Variants in RAPGEF2 observed in about 807,000 individuals in gnomAD.
RAPGEF2 encodes the protein PDZ domain containing guanine nucleotide exchange factor (GEF) 1.
In RAPGEF2, 54 loss-of-function variants were observed where a neutral mutation model predicts 186.7. The ratio of observed to expected loss-of-function variants is 0.29; its 90% CI spans 0.23 to 0.36. RAPGEF2 has a LOEUF of 0.36. Ranked by LOEUF, RAPGEF2 falls within the 10% of genes least tolerant of loss-of-function variation. The probability of loss-of-function intolerance (pLI) is 1.00; values close to 1 mark genes in which losing one functional copy is unlikely to be tolerated. For synonymous variants in RAPGEF2, 712 were observed against 705.9 expected, an observed-to-expected ratio of 1.01 and a Z score of -0.14; for missense variants, 1,532 against 2,045.0, an observed-to-expected ratio of 0.75 and a Z score of 4.84.
chr4:159,142,678 A>C (rs1742483821), intron 1 of RAPGEF2, among the ~76,000 whole-genome samples: 4 of 152,302 alleles, frequency 2.6e-5, no homozygotes, highest in African/African-American at 9.6e-5. Context: ...AAGCCTTTAA[A>C]AATTTTCTTT....
intron 7 of RAPGEF2, among the ~76,000 whole-genome samples, chr4:159,280,066 C>T (rs911142270): frequency 6.6e-6 from 1 of 152,106 alleles, no homozygotes; most frequent in African/African-American, 2.4e-5. Context: ...CCATATGGTT[C>T]GCCAGAGGTC....
intron 7 of RAPGEF2, among the ~76,000 whole-genome samples, chr4:159,286,538 C>T (rs988471310): frequency 6.6e-6 from 1 of 152,150 alleles, no homozygotes; most frequent in Non-Finnish European, 1.5e-5. Context: ...CTCTATTGCA[C>T]TTGGACTAGA....
rs1732483297 is a variant in RAPGEF2, at chr4:159,359,417, A to G, written c.*1278A>G. The G allele has an allele frequency of 1.3e-5, 2 of 152,198 alleles. No individual in the cohort carries two copies. The highest frequency in any genetic ancestry group is 2.9e-5 in the Non-Finnish European group (2 of 68,034). The allele number at this position is 152,198 out of a possible 1,614,324, so 9.4% of individuals were successfully genotyped here. A position where few individuals can be genotyped will look rare whatever the true frequency, so the allele number is the denominator to read the frequency against. On this transcript the variant is annotated 3_prime_UTR_variant, in exon 30 of 30. Transcript: ENST00000691494. Reference sequence around the variant, plus strand: ...GGACGCTGCATATAGAGAAGGCCTAAGTGTAGCAACCATCTGCTCACAGCT... The same window carrying G: ...GGACGCTGCATATAGAGAAGGCCTAGGTGTAGCAACCATCTGCTCACAGCT...
intron 4 of RAPGEF2, among the ~76,000 whole-genome samples, chr4:159,220,573 A>G (rs1163777608): frequency 6.6e-6 from 1 of 152,162 alleles, no homozygotes; most frequent in East Asian, 1.9e-4. Context: ...AACACGCTCT[A>G]CAGTTACTGA....
At chr4:159,191,497 G>A (rs1748117389) in intron 2 of RAPGEF2, among the ~76,000 whole-genome samples, 1 of 152,148 alleles carries the variant, frequency 6.6e-6, no homozygotes. Context: ...TCCCAGCACT[G>A]TGGGAGGCCA....
At position 159,161,266 on chromosome 4, in the gene RAPGEF2, G is replaced by T. The variant is rs141239571; in HGVS notation, c.70-25376G>T. ...AATATTTTCTCTGGTATTAGTTTCA[G>T]AAAGCCAGTGATTAGAAGAGATGTT... On this transcript the variant is annotated intron_variant, in intron 1 of 29. Coordinates refer to ENST00000691494, the MANE Select transcript of RAPGEF2 (RefSeq NM_001394067.2). Among the ~76,000 whole-genome samples, 411 of 152,322 alleles carry T rather than the reference G, an allele frequency of 2.7e-3. 1 individual carries two copies. The highest frequency in any genetic ancestry group is 9.2e-3 in the African/African-American group (384 of 41,576).
At chr4:159,191,168 TA>T (rs148799286) in intron 2 of RAPGEF2, among the ~76,000 whole-genome samples, 4,246 of 150,970 alleles carry the variant, frequency 0.028, 191 homozygotes, top group African/African-American at 0.098. Flanking sequence ...AGAAGTCAGG[TA>T]GAGGATGAAG....
intron 4 of RAPGEF2, among the ~76,000 whole-genome samples, chr4:159,220,475 C>T (rs1233146699): frequency 6.6e-6 from 1 of 152,136 alleles, no homozygotes; most frequent in Non-Finnish European, 1.5e-5. Context: ...TTTGGGAATT[C>T]CGTGATTTCC....
In RAPGEF2 at chr4:159,193,303, A is replaced by G. The variant is rs777634525; in HGVS notation, c.197+47A>G. On this transcript the variant is annotated intron_variant, in intron 3 of 29. Coordinates refer to ENST00000691494, the MANE Select transcript of RAPGEF2 (RefSeq NM_001394067.2). ...GTACAATGTATCTAATCCAGTGACT[A>G]AATTTTCTTAAAGTATCAAAGGAGT... 6 of 1,231,824 alleles carry G rather than the reference A, an allele frequency of 4.9e-6. No individual in the cohort carries two copies. In the South Asian group the frequency reaches 1.1e-4, roughly 23 times the overall value. 76.3% of individuals were successfully genotyped at this position (1,231,824 alleles called of 1,614,324 possible). A position where few individuals can be genotyped will look rare whatever the true frequency, so the allele number is the denominator to read the frequency against.
intron 1 of RAPGEF2, among the ~76,000 whole-genome samples, chr4:159,172,486 T>A (rs898745942): frequency 1.3e-5 from 2 of 152,210 alleles, no homozygotes; most frequent in African/African-American, 2.4e-5. Context: ...TCCTTCTGAT[T>A]TCTGGAGAAT....
At chr4:159,198,643 G>A (rs868369688) in intron 3 of RAPGEF2, among the ~76,000 whole-genome samples, 4 of 150,330 alleles carry the variant, frequency 2.7e-5, no homozygotes, top group Non-Finnish European at 4.5e-5. Context: ...CTGGGGTTTC[G>A]CCATATTGGC....
chr4:159,165,665 C>T (rs908189805), intron 1 of RAPGEF2, among the ~76,000 whole-genome samples: 55 of 152,044 alleles, frequency 3.6e-4, no homozygotes, highest in Admixed American at 1.7e-3. Context: ...TTGACCAGGC[C>T]GGAGTGCAGT....
At chr4:159,348,242 AGATGGATG>A (rs57748987) in intron 25 of RAPGEF2, among the ~76,000 whole-genome samples, 1,571 of 145,052 alleles carry the variant, frequency 0.011, 22 homozygotes, top group South Asian at 0.041. Flanking sequence ...ATAGATAGAT[AGATGGATG>A]GATGGATGGA....
At chr4:159,169,825 C>T (rs763020687) in intron 1 of RAPGEF2, among the ~76,000 whole-genome samples, 1 of 152,062 alleles carries the variant, frequency 6.6e-6, no homozygotes, top group Non-Finnish European at 1.5e-5. Context: ...CATTGAGGGA[C>T]GTTTAGGTTG....
intron 1 of RAPGEF2, among the ~76,000 whole-genome samples, chr4:159,124,432 G>A (rs562518536): frequency 6.6e-6 from 1 of 151,914 alleles, no homozygotes; most frequent in Non-Finnish European, 1.5e-5. Context: ...CCAGCTACTC[G>A]GGAAGCTGAG....
intron 1 of RAPGEF2, among the ~76,000 whole-genome samples, chr4:159,147,736 C>T (rs996682906): frequency 6.6e-6 from 1 of 152,194 alleles, no homozygotes; most frequent in Non-Finnish European, 1.5e-5. Context: ...GAGTAGAAAT[C>T]ATCTCCACAG....
chr4:159,294,024 G>A (rs1761594088), intron 7 of RAPGEF2, among the ~76,000 whole-genome samples: 6 of 152,212 alleles, frequency 3.9e-5, no homozygotes, highest in Admixed American at 3.3e-4. Context: ...GATGCACCCA[G>A]CAAGAGAGCA....
Position 159,186,645 on chromosome 4 carries a change from C to T in RAPGEF2, c.73C>T (p.Leu25=). Residue 25 remains leucine (L), a synonymous_variant, in exon 2 of 30, where the codon CTG becomes TTG. Transcript: ENST00000691494. ...TCTATTCTTTTCTTTGAAACAGGAT[C>T]TGGAAATAGTATATTCCTATTTACA... The part of the protein sequence containing the change: ...KNPPERTPQD[L]EIVYSYLHGM... The T allele has an allele frequency of 1.4e-6, 2 of 1,424,210 alleles. No homozygotes were observed. The highest frequency in any genetic ancestry group is 2.8e-5 in the South Asian group (2 of 71,544). The allele number at this position is 1,424,210 out of a possible 1,614,324, so 88.2% of individuals were successfully genotyped here. A position where few individuals can be genotyped will look rare whatever the true frequency, so the allele number is the denominator to read the frequency against.
chr4:159,342,117 G>C (rs186993675), intron 20 of RAPGEF2, among the ~76,000 whole-genome samples, 170 bp downstream of exon 20: 1 of 149,066 alleles, frequency 6.7e-6, no homozygotes, highest in Non-Finnish European at 1.5e-5. Context: ...AAAATCTCTC[G>C]TATCAAAAAA....
Sources: gnomAD v4.1 joint callset for allele counts (sites outside exome capture counted in the v4.1 genomes callset) on GRCh38, gnomAD v4.1.1 for gene constraint, MANE v1.5 for transcripts, NCBI Gene and HGNC (gene_info 2026-07-23, HGNC 2026-07-21) for gene names.